Variants in RORA observed in about 807,000 individuals in gnomAD.
RORA encodes RAR related orphan receptor A.
A neutral mutation model predicts 69.5 loss-of-function variants in RORA; 7 were observed. That is an observed-to-expected ratio of 0.10 (90% confidence interval 0.06 to 0.19). The LOEUF (loss-of-function observed/expected upper bound fraction) is 0.19. Ranked by LOEUF, RORA falls within the 10% of genes least tolerant of loss-of-function variation. The pLI, the probability that RORA is intolerant of heterozygous loss-of-function variation, is 1.00. For synonymous variants in RORA, 261 were observed against 240.8 expected, an observed-to-expected ratio of 1.08 and a Z score of -0.78; for missense variants, 457 against 663.0, an observed-to-expected ratio of 0.69 and a Z score of 3.41.
intron 1 of RORA, among the ~76,000 whole-genome samples, chr15:60,997,401 A>G (rs1242237750): frequency 1.3e-5 from 2 of 152,210 alleles, no homozygotes; most frequent in African/African-American, 2.4e-5. Context: ...CCGAGAGTCA[A>G]GTCTGTTCTC....
At chr15:60,512,248 C>T (rs2065725331) in intron 4 of RORA, among the ~76,000 whole-genome samples, 1 of 152,166 alleles carries the variant, frequency 6.6e-6, no homozygotes, top group South Asian at 2.1e-4. Context: ...TCATGGCAGC[C>T]CCTGTGGAAC....
intron 2 of RORA, among the ~76,000 whole-genome samples, chr15:60,596,557 C>T (rs2068669992): frequency 2.0e-5 from 3 of 152,008 alleles, no homozygotes; most frequent in Non-Finnish European, 4.4e-5. Flanking sequence ...GCTATGGACA[C>T]ATCACAAACT....
chr15:61,039,569 C>A (rs1160184341), intron 1 of RORA, among the ~76,000 whole-genome samples: 1 of 151,620 alleles, frequency 6.6e-6, no homozygotes, highest in Non-Finnish European at 1.5e-5. Context: ...CATGGTGAAA[C>A]CTGTCTCTAC....
At chr15:60,614,960 C>T (rs757694887) in intron 2 of RORA, 14 of 1,613,948 alleles carry the variant, frequency 8.7e-6, no homozygotes, top group Non-Finnish European at 1.2e-5. Flanking sequence ...TTGGCTGTGG[C>T]TCCATCCCAG....
intron 1 of RORA, among the ~76,000 whole-genome samples, chr15:60,949,608 TA>T (rs1198572509): frequency 3.9e-5 from 6 of 152,200 alleles, no homozygotes; most frequent in Admixed American, 6.5e-5. Flanking sequence ...CACTGCAGGA[TA>T]CAGAGCATGA....
chr15:61,200,584 T>C (rs558309025), intron 1 of RORA, among the ~76,000 whole-genome samples: 1 of 152,210 alleles, frequency 6.6e-6, no homozygotes, highest in Non-Finnish European at 1.5e-5. Flanking sequence ...TCTCCTAGTC[T>C]TCCCTGTGCC....
intron 2 of RORA, among the ~76,000 whole-genome samples, chr15:60,663,012 G>T (rs1478433821): frequency 2.0e-5 from 3 of 152,204 alleles, no homozygotes; most frequent in African/African-American, 7.2e-5. Flanking sequence ...GCCTGATGCA[G>T]AGTAAAAGAT....
chr15:60,728,867 G>C (rs921248412), intron 1 of RORA, among the ~76,000 whole-genome samples: 3 of 152,058 alleles, frequency 2.0e-5, no homozygotes, highest in Non-Finnish European at 2.9e-5. Flanking sequence ...TATAAGAAAG[G>C]TGCAGATTTT....
intron 1 of RORA, among the ~76,000 whole-genome samples, chr15:61,017,962 A>G (rs1281601262): frequency 6.6e-6 from 1 of 152,164 alleles, no homozygotes; most frequent in East Asian, 1.9e-4. Flanking sequence ...AAAACAAATA[A>G]ATATCATAAA....
intron 1 of RORA, among the ~76,000 whole-genome samples, chr15:61,008,740 C>A (rs775883854): frequency 5.3e-5 from 8 of 152,066 alleles, no homozygotes; most frequent in Non-Finnish European, 1.2e-4. Flanking sequence ...AAAAAATCCA[C>A]AACTGAGTAC....
chr15:60,827,599 C>A (rs1275739983), intron 1 of RORA, among the ~76,000 whole-genome samples: 3 of 152,192 alleles, frequency 2.0e-5, no homozygotes, highest in Non-Finnish European at 4.4e-5. Flanking sequence ...TTCAGACAAC[C>A]AGCTTGGAAG....
At chr15:60,874,823 G>A (rs1487174344) in intron 1 of RORA, among the ~76,000 whole-genome samples, 3 of 152,192 alleles carry the variant, frequency 2.0e-5, no homozygotes, top group African/African-American at 7.2e-5. Context: ...TACAAATTCT[G>A]CTTTTTCACT....
At chr15:60,760,044 T>C (rs1189358391) in intron 1 of RORA, among the ~76,000 whole-genome samples, 2 of 152,204 alleles carry the variant, frequency 1.3e-5, no homozygotes, top group Non-Finnish European at 2.9e-5. Flanking sequence ...AGTTTTAAAT[T>C]TGAAGCCCCT....
At chr15:61,111,617 A>T (rs2079007161) in intron 1 of RORA, among the ~76,000 whole-genome samples, 1 of 152,186 alleles carries the variant, frequency 6.6e-6, no homozygotes, top group African/African-American at 2.4e-5. Context: ...TTCTCTTAAG[A>T]TTCTCACCTA....
intron 2 of RORA, among the ~76,000 whole-genome samples, chr15:60,554,515 C>T (rs1303272986): frequency 6.6e-6 from 1 of 152,156 alleles, no homozygotes; most frequent in Non-Finnish European, 1.5e-5. Flanking sequence ...GAATTAATTA[C>T]AGGGCTAATG....
chr15:60,568,917 T>C (rs2067792162), intron 2 of RORA, among the ~76,000 whole-genome samples: 1 of 147,374 alleles, frequency 6.8e-6, no homozygotes, highest in African/African-American at 2.5e-5. Context: ...ATTTTTCATA[T>C]GGATTTCAGT....
rs116728760 is a variant in RORA, at chr15:61,108,293, T to A, written c.166+120760A>T. 4.2e-3 allele frequency among the ~76,000 whole-genome samples: 643 copies of A among 152,342 alleles called. 4 individuals are homozygous for A. The highest frequency in any genetic ancestry group is 0.017 in the Middle Eastern group (5 of 294). On this transcript the variant is annotated intron_variant, in intron 1 of 10. Coordinates refer to ENST00000335670, the MANE Select transcript of RORA (RefSeq NM_134261.3). ...AGATTCTTAAGTGTCTAAGGAGTCT[T>A]GTGACTTTGCAGTGAGCCAATGATT... is the stretch of plus-strand genomic sequence containing the variant.
At chr15:61,148,888 C>A (rs2079374024) in intron 1 of RORA, among the ~76,000 whole-genome samples, 1 of 152,166 alleles carries the variant, frequency 6.6e-6, no homozygotes, top group African/African-American at 2.4e-5. Flanking sequence ...AAAGGGAGTG[C>A]ACACACCCTG....
chr15:61,099,914 A>C (rs918226610), intron 1 of RORA, among the ~76,000 whole-genome samples: 2 of 152,210 alleles, frequency 1.3e-5, no homozygotes, highest in Non-Finnish European at 2.9e-5. Flanking sequence ...CTAGTTAGTG[A>C]AGACAGTTCT....
Sources: allele counts gnomAD v4.1 joint callset (sites outside exome capture counted in the v4.1 genomes callset), GRCh38; gene constraint gnomAD v4.1.1; transcripts MANE v1.5; gene names NCBI Gene and HGNC (gene_info 2026-07-23, HGNC 2026-07-21).